The following DPYSL3 variants were observed in gnomAD, a reference collection of about 807,000 sequenced individuals.
DPYSL3 encodes the protein dihydropyrimidinase-related protein 3.
A neutral mutation model predicts 66.1 loss-of-function variants in DPYSL3; 16 were observed. The observed-to-expected ratio is 0.24, with a 90% CI of 0.16 to 0.37. The LOEUF is 0.37. Ranked by LOEUF, DPYSL3 falls within the 10% of genes least tolerant of loss-of-function variation. DPYSL3 has a pLI of 1.00. For synonymous variants in DPYSL3, 338 were observed against 345.1 expected (o/e 0.98, Z 0.23); for missense variants, 738 against 916.2 (o/e 0.81, Z 2.51).
At position 147,399,248 on chromosome 5, in the gene DPYSL3, G is replaced by A. The variant is rs778792059; in HGVS notation, c.1457C>T (p.Thr486Ile). The A allele has an allele frequency of 5.6e-6, 9 of 1,613,708 alleles. No individual in the cohort carries two copies. Among genetic ancestry groups the A allele is most frequent in the Non-Finnish European group, 7.6e-6 (9 of 1,179,940 alleles). ...MSVIWDKAVA[T>I]GKMDENQFVA... ...GAACTGGTTTTCGTCCATTTTCCCT[G>A]TGGCCTATTGAAATATAAGAAATTA... Residue 486 changes from threonine to isoleucine, a missense_variant, in exon 11 of 14, where the codon ACA becomes ATA. Transcript: ENST00000343218.
intron 1 of DPYSL3, among the ~76,000 whole-genome samples, chr5:147,500,976 A>T (rs1167669242): frequency 6.6e-6 from 1 of 152,232 alleles, no homozygotes; most frequent in East Asian, 1.9e-4. Flanking sequence ...GTATTTACCT[A>T]AATGAACTGA....
chr5:147,498,996 C>T (rs901395143), intron 1 of DPYSL3, among the ~76,000 whole-genome samples: 4 of 152,050 alleles, frequency 2.6e-5, no homozygotes, highest in Admixed American at 6.6e-5. Flanking sequence ...AATTTTTGCC[C>T]GTGCCTATGA....
intron 1 of DPYSL3, among the ~76,000 whole-genome samples, chr5:147,490,665 T>A (rs1296274325): frequency 1.3e-5 from 2 of 151,962 alleles, no homozygotes; most frequent in Admixed American, 6.6e-5. Context: ...GGCAGAGAAG[T>A]GAGGTCACAG....
At chr5:147,493,169 C>G (rs541905594) in intron 1 of DPYSL3, among the ~76,000 whole-genome samples, 12 of 152,210 alleles carry the variant, frequency 7.9e-5, no homozygotes, top group Admixed American at 7.9e-4. Context: ...GTGTATGTGT[C>G]AAACAACAGA....
At chr5:147,399,531 C>A (rs544043468) in intron 10 of DPYSL3, among the ~76,000 whole-genome samples, 1 of 152,282 alleles carries the variant, frequency 6.6e-6, no homozygotes, top group South Asian at 2.1e-4. Context: ...TACTCATTTT[C>A]TTCTTCTAAT....
Position 147,391,066 on chromosome 5 carries a change from G to C in DPYSL3, c.*2969C>G, listed in dbSNP as rs1022322565. ...CTTACAATGAATGCTGGCTGCCCAGGGCAGCCCATGAGTGTATCTGGGACT... is the reference window on the plus strand; with the variant it reads ...CTTACAATGAATGCTGGCTGCCCAGCGCAGCCCATGAGTGTATCTGGGACT... On this transcript the variant is annotated 3_prime_UTR_variant, in exon 14 of 14. Coordinates refer to ENST00000343218, the MANE Select transcript of DPYSL3 (RefSeq NM_001197294.2). The C allele has an allele frequency of 2.0e-5, 3 of 152,608 alleles. No individual in the cohort carries two copies. The highest frequency in any genetic ancestry group is 7.2e-5 in the African/African-American group (3 of 41,444). 9.5% of individuals were successfully genotyped at this position (152,608 alleles called of 1,614,324 possible). A position where few individuals can be genotyped will look rare whatever the true frequency, so the allele number is the denominator to read the frequency against.
At chr5:147,498,265 T>C (rs1753551162) in intron 1 of DPYSL3, among the ~76,000 whole-genome samples, 1 of 148,314 alleles carries the variant, frequency 6.7e-6, no homozygotes, top group African/African-American at 2.5e-5. Flanking sequence ...AAGGACATGA[T>C]CTCATTCTTT....
At chr5:147,484,663 A>G (rs937863692) in intron 1 of DPYSL3, among the ~76,000 whole-genome samples, 10 of 152,256 alleles carry the variant, frequency 6.6e-5, no homozygotes, top group African/African-American at 2.4e-4. Flanking sequence ...TAATATTCAG[A>G]CATCAGAGCA....
intron 1 of DPYSL3, among the ~76,000 whole-genome samples, chr5:147,475,852 G>C (rs1409564803): frequency 6.6e-6 from 1 of 152,046 alleles, no homozygotes; most frequent in Non-Finnish European, 1.5e-5. Context: ...AATTTATTTG[G>C]ATTAAGATCA....
intron 2 of DPYSL3, 97 bp downstream of exon 2, chr5:147,424,778 A>AT (rs148660572): frequency 3.3e-5 from 32 of 964,502 alleles, no homozygotes; most frequent in South Asian, 7.3e-5. Flanking sequence ...TTAAATTAAG[A>AT]TTTTTTTCAC....
intron 1 of DPYSL3, among the ~76,000 whole-genome samples, chr5:147,469,923 CT>C (rs2126421889): frequency 6.6e-6 from 1 of 152,294 alleles, no homozygotes; most frequent in East Asian, 1.9e-4. Context: ...GAATAAAGGG[CT>C]TATGACTCCA....
chr5:147,399,498 T>C (rs1318011507), intron 10 of DPYSL3, among the ~76,000 whole-genome samples: 1 of 152,242 alleles, frequency 6.6e-6, no homozygotes, highest in African/African-American at 2.4e-5. Context: ...ATGCATTTTT[T>C]TCTATATGTT....
intron 1 of DPYSL3, among the ~76,000 whole-genome samples, chr5:147,454,640 C>T (rs73794763): frequency 0.046 from 6,951 of 152,254 alleles, 536 homozygotes; most frequent in African/African-American, 0.16. Context: ...GTTCCTGGTG[C>T]GCAGCCATGG....
chr5:147,500,216 A>T (rs1342098214), intron 1 of DPYSL3, among the ~76,000 whole-genome samples: 1 of 152,230 alleles, frequency 6.6e-6, no homozygotes, highest in Non-Finnish European at 1.5e-5. Context: ...TGCAAAACAT[A>T]TTGTCAAAAG....
chr5:147,509,733 C>A lies in DPYSL3; in HGVS notation c.126G>T (p.Glu42Asp). The A allele has an allele frequency of 7.2e-6, 11 of 1,536,010 alleles. No individual in the cohort carries two copies. Among genetic ancestry groups the A allele is most frequent in the Non-Finnish European group, 9.6e-6 (11 of 1,146,818 alleles). The change falls in exon 1 of 14, where the codon GAG (glutamate) becomes GAT (aspartate). Residue 42 changes from glutamate to aspartate, a missense_variant. Glu to Asp is a conservative substitution (Grantham distance 45, BLOSUM62 2). Transcript: ENST00000343218. This position sits in a 1 kb window ranked among gnomAD's most constrained non-coding sequence, Gnocchi z 5.3. ...QKYGGMFCNV[E>D]GAFESKTLDF... ...CCAGCGTCTTGCTCTCGAAGGCGCC[C>A]TCCACGTTGCAGAACATGCCGCCGT...
intron 1 of DPYSL3, among the ~76,000 whole-genome samples, chr5:147,466,524 A>T (rs187678188): frequency 3.9e-5 from 6 of 152,294 alleles, no homozygotes; most frequent in Admixed American, 3.9e-4. Flanking sequence ...GTCTGAGAAC[A>T]TGCGCCGGAG....
chr5:147,433,754 C>T (rs1286756988), intron 1 of DPYSL3, among the ~76,000 whole-genome samples: 1 of 152,168 alleles, frequency 6.6e-6, no homozygotes. Context: ...AGACTCCTGG[C>T]CAGGCGCAGT....
At chr5:147,453,431 C>T in intron 1 of DPYSL3, 1 of 1,368,204 alleles carries the variant, frequency 7.3e-7, no homozygotes, top group Non-Finnish European at 9.5e-7. Context: ...GACCCCGGGT[C>T]TCCGTCCCTC....
chr5:147,493,213 A>G (rs1215968327), intron 1 of DPYSL3, among the ~76,000 whole-genome samples: 1 of 152,186 alleles, frequency 6.6e-6, no homozygotes, highest in Non-Finnish European at 1.5e-5. Flanking sequence ...ACCTAAAAGA[A>G]CTTCAAGGGG....
Sources: gnomAD v4.1 joint callset for allele counts (sites outside exome capture counted in the v4.1 genomes callset) on GRCh38, gnomAD v4.1.1 for gene constraint, Gnocchi (gnomAD v3.1) non-coding constraint, MANE v1.5 for transcripts, NCBI Gene and HGNC (gene_info 2026-07-23, HGNC 2026-07-21) for gene names.